Variants in KRABD5 observed in about 807,000 individuals in gnomAD.
The protein encoded by KRABD5 is KRAB domain containing 5, also known as KRAB domain-containing protein 5.
the KRABD5 span, among the ~76,000 whole-genome samples, chr16:31,737,555 A>G: frequency 6.6e-6 from 1 of 152,132 alleles, no homozygotes; most frequent in African/African-American, 2.4e-5. Context: ...GCCCAATCCT[A>G]TTTGTTGAAG....
At chr16:31,741,113 T>C in the KRABD5 span, among the ~76,000 whole-genome samples, 2 of 152,224 alleles carry the variant, frequency 1.3e-5, no homozygotes, top group Admixed American at 6.5e-5. Context: ...GGATAACAGC[T>C]GCATCCATGT....
At chr16:31,746,885 C>G in the KRABD5 span, among the ~76,000 whole-genome samples, 2 of 151,924 alleles carry the variant, frequency 1.3e-5, no homozygotes, top group Non-Finnish European at 2.9e-5. Context: ...ATGCTGATGT[C>G]CTTTCTTCTG....
the KRABD5 span, among the ~76,000 whole-genome samples, chr16:31,726,980 CT>C: frequency 2.0e-5 from 3 of 152,122 alleles, no homozygotes; most frequent in Non-Finnish European, 4.4e-5. Flanking sequence ...ACAGATTTTA[CT>C]GAGCAGATCT....
At chr16:31,713,629 C>T in the KRABD5 span, 19 of 731,966 alleles carry the variant, frequency 2.6e-5, no homozygotes, top group South Asian at 3.2e-4. Context: ...CCTCCCGACC[C>T]CGCAGAGCGA....
the KRABD5 span, chr16:31,714,337 T>G: frequency 2.2e-6 from 1 of 455,996 alleles, no homozygotes; most frequent in Middle Eastern, 3.3e-4. Context: ...CTGTTTTGAG[T>G]GATTTTGCTA....
chr16:31,741,583 C>A, the KRABD5 span, among the ~76,000 whole-genome samples: 1 of 152,040 alleles, frequency 6.6e-6, no homozygotes, highest in Non-Finnish European at 1.5e-5. Context: ...TTTTCGTATG[C>A]TTGATGGCTG....
the KRABD5 span, chr16:31,759,478 A>G: frequency 1.4e-6 from 2 of 1,410,812 alleles, no homozygotes; most frequent in Non-Finnish European, 2.0e-6. Context: ...TGAAGTTTAT[A>G]TGGGTCTATT....
chr16:31,746,197 G>A, the KRABD5 span, among the ~76,000 whole-genome samples: 1 of 152,114 alleles, frequency 6.6e-6, no homozygotes, highest in Non-Finnish European at 1.5e-5. Context: ...AGTTGATGTG[G>A]TTTCTTCACA....
the KRABD5 span, among the ~76,000 whole-genome samples, chr16:31,734,235 CTTT>C: frequency 7.2e-6 from 1 of 139,086 alleles, no homozygotes. Context: ...TCTCTTCTAA[CTTT>C]TTTTTTTTTT....
the KRABD5 span, chr16:31,733,591 A>G: frequency 4.6e-5 from 21 of 456,258 alleles, no homozygotes; most frequent in South Asian, 3.3e-4. Flanking sequence ...CATTCTGCCT[A>G]ATGTTTCTAT....
the KRABD5 span, among the ~76,000 whole-genome samples, chr16:31,739,040 T>C: frequency 6.6e-6 from 1 of 152,224 alleles, no homozygotes; most frequent in Non-Finnish European, 1.5e-5. Flanking sequence ...TATTTTAAAG[T>C]ATTTGACTTT....
the KRABD5 span, chr16:31,755,498 C>T: frequency 2.2e-6 from 1 of 461,210 alleles, no homozygotes; most frequent in Non-Finnish European, 4.4e-6. Context: ...ATCTTTCTCT[C>T]ATTCCTCATG....
chr16:31,726,858 A>T, the KRABD5 span, among the ~76,000 whole-genome samples: 1 of 152,222 alleles, frequency 6.6e-6, no homozygotes, highest in African/African-American at 2.4e-5. Flanking sequence ...CTGTATCTGT[A>T]GATCACTTTG....
At chr16:31,730,802 A>G in the KRABD5 span, among the ~76,000 whole-genome samples, 1 of 151,236 alleles carries the variant, frequency 6.6e-6, no homozygotes, top group Non-Finnish European at 1.5e-5. Context: ...TTCTTCTTTC[A>G]TGATTGAGTC....
At chr16:31,715,983 C>A in the KRABD5 span, among the ~76,000 whole-genome samples, 2 of 152,172 alleles carry the variant, frequency 1.3e-5, no homozygotes, top group Non-Finnish European at 2.9e-5. Flanking sequence ...GACCCCTGCC[C>A]CCACTGTGCT....
At chr16:31,750,489 C>T in the KRABD5 span, among the ~76,000 whole-genome samples, 1 of 152,118 alleles carries the variant, frequency 6.6e-6, no homozygotes, top group South Asian at 2.1e-4. Flanking sequence ...ATGTTACTTT[C>T]TTCTTTTCCT....
chr16:31,733,998 A>G, the KRABD5 span, among the ~76,000 whole-genome samples: 10 of 152,086 alleles, frequency 6.6e-5, no homozygotes, highest in South Asian at 2.1e-4. Flanking sequence ...GCCAAGACCA[A>G]TTTTCATGAC....
the KRABD5 span, chr16:31,756,522 TATAA>T: frequency 6.6e-6 from 1 of 152,158 alleles, no homozygotes; most frequent in South Asian, 2.1e-4. Context: ...TCTGAAAGAT[TATAA>T]ATATACTTTA....
chr16:31,719,369 A>G, the KRABD5 span, among the ~76,000 whole-genome samples: 4 of 152,182 alleles, frequency 2.6e-5, no homozygotes, highest in Admixed American at 1.3e-4. Context: ...ACATGTTTTG[A>G]TTAAATTGCT....
Sources: gnomAD v4.1 joint callset for allele counts (sites outside exome capture counted in the v4.1 genomes callset) on GRCh38, gnomAD v4.1.1 for gene constraint, MANE v1.5 for transcripts, NCBI Gene and HGNC (gene_info 2026-07-23, HGNC 2026-07-21) for gene names.